CCSER1: variants seen among roughly 807,000 people sequenced by gnomAD.
The protein encoded by CCSER1 is serine-rich coiled-coil domain-containing protein 1.
CCSER1 carries 41 observed loss-of-function variants against 82.0 expected under a neutral mutation model. That is an observed-to-expected ratio of 0.50 (90% CI 0.39 to 0.65). The LOEUF (loss-of-function observed/expected upper bound fraction) is 0.65. Among genes scored for constraint, CCSER1 ranks in the 30% least tolerant of loss-of-function variants. The pLI is 0.00. For missense variants in CCSER1, 1,119 were observed against 1,064.2 expected (o/e 1.05, Z -0.72); for synonymous variants, 414 against 383.9 (o/e 1.08, Z -0.92).
chr4:91,022,462 G>A (rs375909749), intron 9 of CCSER1, among the ~76,000 whole-genome samples: 3 of 152,052 alleles, frequency 2.0e-5, no homozygotes, highest in South Asian at 2.1e-4. Flanking sequence ...TAGTGCCGCA[G>A]TAAACATACA....
intron 10 of CCSER1, among the ~76,000 whole-genome samples, chr4:91,342,924 T>C (rs955753306): frequency 1.3e-5 from 2 of 152,142 alleles, no homozygotes; most frequent in Non-Finnish European, 2.9e-5. Flanking sequence ...AGCTTTGTGA[T>C]TAATTCACTC....
chr4:91,446,278 G>GA (rs1221841684), intron 10 of CCSER1, among the ~76,000 whole-genome samples: 1 of 152,030 alleles, frequency 6.6e-6, no homozygotes, highest in Admixed American at 6.6e-5. Flanking sequence ...CCAAAAGCAA[G>GA]AATACATTGG....
intron 8 of CCSER1, among the ~76,000 whole-genome samples, chr4:90,858,421 A>G (rs1367262299): frequency 6.6e-6 from 1 of 151,982 alleles, no homozygotes; most frequent in Non-Finnish European, 1.5e-5. Flanking sequence ...CAAATAAGAC[A>G]ATTGCACACA....
At chr4:91,248,164 T>A (rs1055141586) in intron 10 of CCSER1, among the ~76,000 whole-genome samples, 3 of 152,090 alleles carry the variant, frequency 2.0e-5, no homozygotes, top group Non-Finnish European at 4.4e-5. Flanking sequence ...TGGATTATAA[T>A]CCAAAGTATA....
At chr4:90,846,709 C>T (rs373226659) in intron 8 of CCSER1, among the ~76,000 whole-genome samples, 30 of 148,708 alleles carry the variant, frequency 2.0e-4, no homozygotes, top group East Asian at 1.8e-3. Context: ...TTAACCAACC[C>T]GTCTTCATCT....
intron 10 of CCSER1, among the ~76,000 whole-genome samples, chr4:91,387,802 G>A (rs746604455): frequency 6.6e-6 from 1 of 152,020 alleles, no homozygotes; most frequent in Non-Finnish European, 1.5e-5. Context: ...GATTGCATCT[G>A]GATGGGAAAA....
chr4:90,212,649 TG>T lies in CCSER1; in HGVS notation c.-42+84820del. ...TTATATCTGACGTACTGGAAATAAG[TG>T]GTATTTGGAGAGTTTGAAACTCCAA... On this transcript the variant is annotated intron_variant, in intron 1 of 10. Transcript: ENST00000509176. Among the ~76,000 whole-genome samples the T allele has an allele frequency of 2.0e-5, 3 of 152,266 alleles. No homozygotes were observed. The Middle Eastern group carries it at 0.01, about 518-fold the overall frequency.
At chr4:91,005,741 G>C (rs1172068996) in intron 9 of CCSER1, among the ~76,000 whole-genome samples, 1 of 152,084 alleles carries the variant, frequency 6.6e-6, no homozygotes. Flanking sequence ...TAATAACTTT[G>C]TGTTGATTTT....
chr4:91,598,924 C>G lies in CCSER1; in HGVS notation c.2570C>G (p.Ser857Trp), dbSNP rs1311563192. ...KDQVATARQH[S>W]TFTGRFGQPP... ...CAAGTTGCTACGGCCCGACAGCATT[C>G]GACCTTTACAGGCAGGTTTGGACAG... The change falls in exon 11 of 11, where the codon TCG becomes TGG. Residue 857 changes from serine (S) to tryptophan (W), a missense_variant. Physicochemically the swap from Ser to Trp is radical, Grantham distance 177 (BLOSUM62 -3). Transcript: ENST00000509176. 1.3e-6 allele frequency: 2 copies of G among 1,551,574 alleles called. No individual in the cohort carries two copies. Among genetic ancestry groups the G allele is most frequent in the East Asian group, 4.9e-5 (2 of 40,906 alleles).
At chr4:91,330,743 T>A (rs1394339204) in intron 10 of CCSER1, among the ~76,000 whole-genome samples, 2 of 152,200 alleles carry the variant, frequency 1.3e-5, no homozygotes, top group African/African-American at 2.4e-5. Context: ...ACAAGTATCC[T>A]TCCCAATCAG....
At chr4:91,412,541 T>G (rs1252323383) in intron 10 of CCSER1, among the ~76,000 whole-genome samples, 3 of 152,022 alleles carry the variant, frequency 2.0e-5, no homozygotes, top group Admixed American at 2.0e-4. Context: ...GAGGTCCTTA[T>G]GGAAGTCCAA....
At chr4:91,588,952 G>A (rs1764139137) in intron 10 of CCSER1, among the ~76,000 whole-genome samples, 1 of 151,784 alleles carries the variant, frequency 6.6e-6, no homozygotes, top group African/African-American at 2.4e-5. Context: ...AATTGGGATA[G>A]TTTGTATGAA....
intron 6 of CCSER1, among the ~76,000 whole-genome samples, chr4:90,648,339 A>AAG (rs1491567671): frequency 6.7e-6 from 1 of 148,532 alleles, no homozygotes; most frequent in African/African-American, 2.5e-5. Context: ...GAAAGAAAGA[A>AAG]AGAGAGTTGC....
Position 91,295,997 on chromosome 4 carries a change from C to G in CCSER1, c.2217+210003C>G, listed in dbSNP as rs564498688. Among the ~76,000 whole-genome samples the G allele has an allele frequency of 2.6e-5, 4 of 151,948 alleles. No homozygotes were observed. In the East Asian group the frequency reaches 7.8e-4, roughly 30 times the overall value. ...GCCTTCTATAAGTATAGCGGTCTAT[C>G]AAAGTATTTCCATGATAATGTGGCT... On this transcript the variant is annotated intron_variant, in intron 10 of 10. Transcript: ENST00000509176.
At chr4:91,217,746 G>T in intron 10 of CCSER1, among the ~76,000 whole-genome samples, 1 of 151,824 alleles carries the variant, frequency 6.6e-6, no homozygotes, top group Admixed American at 6.6e-5. Context: ...AGACATAAAG[G>T]TTCTCCACAT....
chr4:91,361,947 G>T (rs371299609), intron 10 of CCSER1, among the ~76,000 whole-genome samples: 2 of 151,636 alleles, frequency 1.3e-5, no homozygotes, highest in Non-Finnish European at 2.9e-5. Flanking sequence ...GGTATTTGGC[G>T]CTATTTTACA....
chr4:91,570,135 G>C (rs1319282520), intron 10 of CCSER1, among the ~76,000 whole-genome samples: 2 of 152,164 alleles, frequency 1.3e-5, no homozygotes, highest in Non-Finnish European at 2.9e-5. Context: ...TCACTTCCAG[G>C]TCATGCTGAT....
intron 10 of CCSER1, among the ~76,000 whole-genome samples, chr4:91,274,832 G>A (rs1057152424): frequency 1.2e-4 from 19 of 152,230 alleles, no homozygotes; most frequent in South Asian, 2.1e-4. Context: ...TTGGCCTGGC[G>A]CAGTGGCTCA....
chr4:90,966,374 A>C (rs1301352468), intron 9 of CCSER1, among the ~76,000 whole-genome samples: 2 of 152,104 alleles, frequency 1.3e-5, no homozygotes, highest in East Asian at 1.9e-4. Context: ...TCATCACACA[A>C]AAGTCTCCTC....
Sources: allele counts gnomAD v4.1 joint callset (sites outside exome capture counted in the v4.1 genomes callset), GRCh38; gene constraint gnomAD v4.1.1; transcripts MANE v1.5; gene names NCBI Gene and HGNC (gene_info 2026-07-23, HGNC 2026-07-21).